Variants in CCZ1 observed in about 807,000 individuals in gnomAD.
CCZ1 encodes the protein CCZ1 vacuolar protein trafficking and biogenesis associated.
CCZ1 carries 19 observed loss-of-function variants against 57.8 expected under a neutral mutation model. The observed-to-expected ratio is 0.33, with a 90% CI of 0.23 to 0.48. The LOEUF is 0.48. Ranked by LOEUF, CCZ1 falls within the 20% of genes least tolerant of loss-of-function variation. The probability of loss-of-function intolerance (pLI) is 0.99; values close to 1 mark genes in which losing one functional copy is unlikely to be tolerated. For synonymous variants in CCZ1, 81 were observed against 167.0 expected, an observed-to-expected ratio of 0.49 and a Z score of 3.97; for missense variants, 200 against 492.0, an observed-to-expected ratio of 0.41 and a Z score of 5.61.
At chr7:5,923,051 GCTCACGCCTGTAA>G (rs1779275984) in intron 12 of CCZ1, among the ~76,000 whole-genome samples, 1 of 131,666 alleles carries the variant, frequency 7.6e-6, no homozygotes, top group East Asian at 2.2e-4. Flanking sequence ...GGGCGCGGGG[GCTCACGCCTGTAA>G]TCCCTGCACT....
At chr7:5,911,791 C>A in intron 8 of CCZ1, 70 bp from the exon 9 acceptor site, 2 of 1,010,976 alleles carry the variant, frequency 2.0e-6, no homozygotes, top group South Asian at 1.6e-5. Context: ...GTAGATAATG[C>A]TGTTTTTCAA....
chr7:5,899,775 A>G (rs1781640306), intron 1 of CCZ1, among the ~76,000 whole-genome samples: 1 of 151,976 alleles, frequency 6.6e-6, no homozygotes. Flanking sequence ...AGAAAAAGAA[A>G]AAAAAGCAAC....
chr7:5,910,270 G>T (rs1781939386), intron 8 of CCZ1, 154 bp downstream of exon 8: 1 of 602,076 alleles, frequency 1.7e-6, no homozygotes, highest in East Asian at 3.3e-5. Flanking sequence ...AATTAGCACA[G>T]AAAACCACAT....
chr7:5,913,439 G>A (rs755917702), intron 10 of CCZ1, among the ~76,000 whole-genome samples: 2 of 151,158 alleles, frequency 1.3e-5, no homozygotes, highest in Admixed American at 6.6e-5. Flanking sequence ...GAAAGAAGAC[G>A]GAGCATGTGC....
At chr7:5,902,785 C>G (rs1182012209) in intron 6 of CCZ1, 41 bp downstream of exon 6, 14 of 1,578,674 alleles carry the variant, frequency 8.9e-6, no homozygotes, top group Non-Finnish European at 1.2e-5. Flanking sequence ...AGTAAGCATT[C>G]AGCAGGTTTT....
Position 5,903,867 on chromosome 7 carries a change from C to T in CCZ1, c.522+1123C>T, listed in dbSNP as rs1469528235. Among the ~76,000 whole-genome samples, 147 of 144,598 alleles carry T rather than the reference C, an allele frequency of 1.0e-3. 10 individuals carry two copies. Among genetic ancestry groups the T allele is most frequent in the African/African-American group, 3.7e-3 (139 of 37,998 alleles). The allele number at this position is 144,598 out of a possible 152,430, so 94.9% of individuals were successfully genotyped here. A position where few individuals can be genotyped will look rare whatever the true frequency, so the allele number is the denominator to read the frequency against. On this transcript the variant is annotated intron_variant, in intron 6 of 14. Coordinates refer to ENST00000325974, the MANE Select transcript of CCZ1 (RefSeq NM_015622.6). ...AAAACTAGCTGGGCGTGGTGGCGCACGCCTGTAATCCCAGCTATTCTGGAG... is the reference window on the plus strand; with the variant it reads ...AAAACTAGCTGGGCGTGGTGGCGCATGCCTGTAATCCCAGCTATTCTGGAG...
chr7:5,911,781 G>A (rs1779045642), intron 8 of CCZ1, 80 bp from the exon 9 acceptor site: 2 of 921,976 alleles, frequency 2.2e-6, no homozygotes, highest in East Asian at 3.0e-5. Flanking sequence ...GAACCAATTA[G>A]TAGATAATGC....
At chr7:5,905,762 CAGAG>C (rs1275364616) in intron 7 of CCZ1, among the ~76,000 whole-genome samples, 4 of 74,046 alleles carry the variant, frequency 5.4e-5, no homozygotes, top group Non-Finnish European at 2.3e-5. Flanking sequence ...AGCCTGGCAA[CAGAG>C]AGAGACTCTG....
Position 5,900,408 on chromosome 7 carries a change from G to A in CCZ1, c.218+27G>A, listed in dbSNP as rs761342665. 1.2e-5 allele frequency: 18 copies of A among 1,552,304 alleles called. 2 individuals carry two copies. The highest frequency in any genetic ancestry group is 1.1e-4 in the African/African-American group (8 of 71,734). On this transcript the variant is annotated intron_variant, in intron 2 of 14. Coordinates refer to ENST00000325974, the MANE Select transcript of CCZ1 (RefSeq NM_015622.6). ...TAATACCTCTAAGTGTGCTTTTAGC[G>A]TTCAGTGAATTCTTAAAACTGCTGC...
At chr7:5,899,333 G>C (rs1353958617) in intron 1 of CCZ1, among the ~76,000 whole-genome samples, 418 of 3,552 alleles carry the variant, frequency 0.12, 2 homozygotes, top group African/African-American at 0.24. Flanking sequence ...TTCGGGAGGG[G>C]GGTGTGTGTG....
At chr7:5,923,045 G>A (rs1220974217) in intron 12 of CCZ1, among the ~76,000 whole-genome samples, 130 of 136,582 alleles carry the variant, frequency 9.5e-4, no homozygotes, top group East Asian at 9.5e-3. Context: ...AGGGCCGGGC[G>A]CGGGGGCTCA....
At chr7:5,903,027 A>G (rs1223053463) in intron 6 of CCZ1, among the ~76,000 whole-genome samples, 1 of 148,296 alleles carries the variant, frequency 6.7e-6, no homozygotes. Context: ...TTTTACCTGC[A>G]TCTGTCCTTC....
At chr7:5,910,565 A>G (rs1226133822) in intron 8 of CCZ1, among the ~76,000 whole-genome samples, 2 of 143,672 alleles carry the variant, frequency 1.4e-5, no homozygotes, top group East Asian at 2.4e-4. Context: ...TGACCTTGTG[A>G]TCTGCCCACC....
At position 5,905,591 on chromosome 7, in the gene CCZ1, G is replaced by T. The variant is rs1431574818; in HGVS notation, c.698+322G>T. On this transcript the variant is annotated intron_variant, in intron 7 of 14. Transcript: ENST00000325974. The stretch of plus-strand genomic sequence containing the variant: ...GAGGTCAGGAGTTGGAGACCAGCCT[G>T]GTCAACATAGTGAAACCCTGTCTCT... Among the ~76,000 whole-genome samples, 2 of 144,200 alleles carry T rather than the reference G, an allele frequency of 1.4e-5. 1 individual carries two copies. Among genetic ancestry groups the T allele is most frequent in the African/African-American group, 5.3e-5 (2 of 37,832 alleles). The allele number at this position is 144,200 out of a possible 152,430, so 94.6% of individuals were successfully genotyped here.
chr7:5,907,389 C>T (rs953415112), intron 7 of CCZ1, among the ~76,000 whole-genome samples: 4 of 149,250 alleles, frequency 2.7e-5, no homozygotes, highest in African/African-American at 5.0e-5. Context: ...GCAGCCACAG[C>T]GATAGGGAGA....
Position 5,920,021 on chromosome 7 carries a change from C to T in CCZ1, c.1106+55C>T, listed in dbSNP as rs1349229577. The T allele has an allele frequency of 7.1e-6, 11 of 1,553,328 alleles. 1 individual carries two copies. The highest frequency in any genetic ancestry group is 2.3e-5 in the East Asian group (1 of 43,740). On this transcript the variant is annotated intron_variant, in intron 12 of 14. Transcript: ENST00000325974. ...GGCATTGAACGGCTTTTGAAATACA[C>T]GTAGTTTTCACTTACAAATACGGGT...
chr7:5,923,146 G>GT (rs1488117824), intron 12 of CCZ1, among the ~76,000 whole-genome samples: 3 of 109,284 alleles, frequency 2.7e-5, no homozygotes, highest in African/African-American at 1.2e-4. Context: ...GTGAAACCCC[G>GT]TCTCTACTAA....
chr7:5,922,682 C>G (rs1374347592), intron 12 of CCZ1, among the ~76,000 whole-genome samples: 1 of 151,398 alleles, frequency 6.6e-6, no homozygotes, highest in Non-Finnish European at 1.5e-5. Flanking sequence ...TTAAAATGTT[C>G]ATCAGACTGC....
At chr7:5,903,307 CAA>C (rs1262956431) in intron 6 of CCZ1, among the ~76,000 whole-genome samples, 29 of 142,882 alleles carry the variant, frequency 2.0e-4, no homozygotes, top group African/African-American at 6.5e-4. Flanking sequence ...TAAAAGGAAA[CAA>C]AGAGACAGGG....
Sources: gnomAD v4.1 joint callset for allele counts (sites outside exome capture counted in the v4.1 genomes callset) on GRCh38, gnomAD v4.1.1 for gene constraint, MANE v1.5 for transcripts, NCBI Gene and HGNC (gene_info 2026-07-23, HGNC 2026-07-21) for gene names.